Variants in ATXN3 observed in about 807,000 individuals in gnomAD.
ATXN3 encodes the protein ataxin-3.
In ATXN3, 28 loss-of-function variants were observed where a neutral mutation model predicts 58.2. That is an observed-to-expected ratio of 0.48 (90% CI 0.36 to 0.66). The LOEUF is 0.66. Among genes scored for constraint, ATXN3 ranks in the 30% least tolerant of loss-of-function variants. The pLI, the probability that ATXN3 is intolerant of heterozygous loss-of-function variation, is 0.00. For synonymous variants in ATXN3, 113 were observed against 138.5 expected (o/e 0.82, Z 1.29); for missense variants, 321 against 422.1 (o/e 0.76, Z 2.10).
intron 9 of ATXN3, among the ~76,000 whole-genome samples, chr14:92,078,524 G>A (rs2060852174): frequency 1.3e-5 from 2 of 151,730 alleles, no homozygotes; most frequent in South Asian, 4.2e-4. Flanking sequence ...ACCACGCCTG[G>A]CTAATTTTTT....
chr14:92,092,102 C>T (rs1185968395), intron 5 of ATXN3, among the ~76,000 whole-genome samples: 1 of 138,804 alleles, frequency 7.2e-6, no homozygotes, highest in Admixed American at 6.9e-5. Flanking sequence ...TCTCTGTAAC[C>T]CTCCCCTCTC....
rs113255226 is a variant in ATXN3, at chr14:92,086,521, C to T, written c.475+2209G>A. ...CAGAAGTTACGGTGAGCCGAGATCA[C>T]GCCATTGCACTCCAGCCGGAGCAAC... On this transcript the variant is annotated intron_variant, in intron 6 of 10. Coordinates refer to ENST00000644486, the MANE Select transcript of ATXN3 (RefSeq NM_004993.6). 6.9e-3 allele frequency among the ~76,000 whole-genome samples: 1,014 copies of T among 147,056 alleles called. 4 individuals are homozygous for T. Among genetic ancestry groups the T allele is most frequent in the Non-Finnish European group, 0.011 (749 of 67,308 alleles).
chr14:92,071,048 T>C lies in ATXN3; in HGVS notation c.878A>G (p.Gln293Arg). 1 of 1,609,440 alleles carries C rather than the reference T, an allele frequency of 6.2e-7. No homozygotes were observed. Among genetic ancestry groups the C allele is most frequent in the Non-Finnish European group, 8.5e-7 (1 of 1,178,814 alleles). ...CTGCTGCTGCTGTTGCTGCTTTTGCTGCTGTCTGAAACATTCAAAAGTGAA... is the reference window on the plus strand; with the variant it reads ...CTGCTGCTGCTGTTGCTGCTTTTGCCGCTGTCTGAAACATTCAAAAGTGAA... ...KRREAYFEKQ[Q>R]QKQQQQQQQQ... The change falls in exon 10 of 11, where the codon CAG (glutamine) becomes CGG (arginine). Residue 293 changes from glutamine to arginine, a missense_variant. Around this residue, in one of 2 missense-constraint regions of ATXN3, gnomAD observed 200 missense variants for 223.2 expected, o/e 0.90. Coordinates refer to ENST00000644486, the MANE Select transcript of ATXN3 (RefSeq NM_004993.6).
At chr14:92,090,945 CCT>C (rs2063641856) in intron 5 of ATXN3, among the ~76,000 whole-genome samples, 1 of 100,302 alleles carries the variant, frequency 1.0e-5, no homozygotes, top group East Asian at 2.4e-4. Flanking sequence ...CTGTAAGCTG[CCT>C]TTTTTTTTTT....
chr14:92,070,203 C>T (rs1417271100), intron 10 of ATXN3, among the ~76,000 whole-genome samples: 2 of 152,150 alleles, frequency 1.3e-5, no homozygotes, highest in Admixed American at 6.5e-5. Context: ...AGTAACTCTG[C>T]ACTTCCCATT....
Position 92,062,780 on chromosome 14 carries a change from C to A in ATXN3, c.*1540G>T, listed in dbSNP as rs1307101026. On this transcript the variant is annotated 3_prime_UTR_variant, in exon 11 of 11. Transcript: ENST00000644486. ...TAATCATAAATAAAAGATATTTTTT[C>A]TTCTCTTTTCAGTTAGTTAGCAATA... is the stretch of plus-strand genomic sequence containing the variant. The A allele has an allele frequency of 2.6e-5, 4 of 152,382 alleles. No homozygotes were observed. The highest frequency in any genetic ancestry group is 2.6e-4 in the Admixed American group (4 of 15,260). 9.4% of individuals were successfully genotyped at this position (152,382 alleles called of 1,614,324 possible). A position where few individuals can be genotyped will look rare whatever the true frequency, so the allele number is the denominator to read the frequency against.
In ATXN3 at chr14:92,106,395, G is replaced by T. The variant is rs961896394; in HGVS notation, c.24+134C>A. 2 of 1,129,628 alleles carry T rather than the reference G, an allele frequency of 1.8e-6. 1 individual carries two copies. The highest frequency in any genetic ancestry group is 4.3e-5 in the Admixed American group (2 of 46,666). The allele number at this position is 1,129,628 out of a possible 1,614,324, so 70.0% of individuals were successfully genotyped here. On this transcript the variant is annotated intron_variant, in intron 1 of 10. Transcript: ENST00000644486. ...TCGAGCCGAGGAGGCGGGAGGCTGC[G>T]GCGTCGCCCCTCGCCGGGCGAGATC...
At chr14:92,074,310 G>A (rs1165004899) in intron 9 of ATXN3, among the ~76,000 whole-genome samples, 2 of 152,130 alleles carry the variant, frequency 1.3e-5, no homozygotes, top group African/African-American at 4.8e-5. Flanking sequence ...CTGGGCGACA[G>A]ACAAGACTCC....
chr14:92,096,581 G>C (rs1429113969), intron 2 of ATXN3, 93 bp downstream of exon 2: 2 of 1,287,858 alleles, frequency 1.6e-6, no homozygotes, highest in South Asian at 2.8e-5. Flanking sequence ...CCGAGATCGC[G>C]CCATTGCACT....
Position 92,063,416 on chromosome 14 carries a change from C to A in ATXN3, c.*904G>T, listed in dbSNP as rs1253476405. ...ATGGTGGGTACGTATGTTTAGTCTTCTAACAGAAGGAGACTTGCCTGCATA... is the reference window on the plus strand; with the variant it reads ...ATGGTGGGTACGTATGTTTAGTCTTATAACAGAAGGAGACTTGCCTGCATA... On this transcript the variant is annotated 3_prime_UTR_variant, in exon 11 of 11. Coordinates refer to ENST00000644486, the MANE Select transcript of ATXN3 (RefSeq NM_004993.6). The A allele has an allele frequency of 6.6e-6, 1 of 152,144 alleles. No homozygotes were observed. Among genetic ancestry groups the A allele is most frequent in the Non-Finnish European group, 1.5e-5 (1 of 68,028 alleles). The allele number at this position is 152,144 out of a possible 1,614,324, so 9.4% of individuals were successfully genotyped here.
At chr14:92,075,790 C>T (rs17127913) in intron 9 of ATXN3, among the ~76,000 whole-genome samples, 1,813 of 152,276 alleles carry the variant, frequency 0.012, 36 homozygotes, top group African/African-American at 0.039. Context: ...TTCTTAGCTC[C>T]TACTAATGAG....
downstream of ATXN3, among the ~76,000 whole-genome samples, chr14:92,054,229 C>T (rs78508551): frequency 8.5e-3 from 1,290 of 152,254 alleles, 42 homozygotes; most frequent in South Asian, 0.099. Context: ...CCACCGTGCC[C>T]GGCTGCAACT....
chr14:92,093,044 T>A (rs1258410219), intron 5 of ATXN3, among the ~76,000 whole-genome samples: 2 of 145,404 alleles, frequency 1.4e-5, no homozygotes, highest in South Asian at 2.2e-4. Context: ...TTTTTTTTTT[T>A]ATTTATTTTT....
chr14:92,105,057 C>T (rs559428176), intron 1 of ATXN3, among the ~76,000 whole-genome samples: 94 of 152,318 alleles, frequency 6.2e-4, no homozygotes, highest in African/African-American at 2.1e-3. Flanking sequence ...CGACTGAGTC[C>T]TTCCTCCCCC....
intron 2 of ATXN3, among the ~76,000 whole-genome samples, chr14:92,045,568 G>A (rs76462620): frequency 0.025 from 3,793 of 152,100 alleles, 141 homozygotes; most frequent in African/African-American, 0.086. Flanking sequence ...TATAGGGTAG[G>A]GAGGGGGCCT....
At chr14:92,085,083 C>T (rs1027703385) in intron 6 of ATXN3, among the ~76,000 whole-genome samples, 1 of 152,070 alleles carries the variant, frequency 6.6e-6, no homozygotes, top group Non-Finnish European at 1.5e-5. Flanking sequence ...AATAAATATG[C>T]CAGCTCACCA....
intron 1 of ATXN3, among the ~76,000 whole-genome samples, chr14:92,104,742 G>C (rs932135749): frequency 6.6e-6 from 1 of 151,822 alleles, no homozygotes; most frequent in Non-Finnish European, 1.5e-5. Flanking sequence ...GGCCAACATG[G>C]TGAAACCCTG....
intron 2 of ATXN3, among the ~76,000 whole-genome samples, chr14:92,047,515 C>T (rs1332435249): frequency 1.3e-5 from 2 of 151,942 alleles, no homozygotes; most frequent in East Asian, 1.9e-4. Context: ...GGTGTTTGAT[C>T]GGTTGCCAGG....
intron 9 of ATXN3, chr14:92,071,628 A>G (rs1449651005): frequency 3.4e-5 from 9 of 265,542 alleles, no homozygotes; most frequent in African/African-American, 2.0e-4. Context: ...CCTATCATAC[A>G]AAAAGATTCA....
Sources: gnomAD v4.1 joint callset for allele counts (sites outside exome capture counted in the v4.1 genomes callset) on GRCh38, gnomAD v4.1.1 for gene constraint, gnomAD v4.1.1 regional missense constraint, MANE v1.5 for transcripts, NCBI Gene and HGNC (gene_info 2026-07-23, HGNC 2026-07-21) for gene names.